IGHMBP2: variants seen among roughly 807,000 people sequenced by gnomAD.
IGHMBP2 encodes the protein immunoglobulin mu DNA binding protein 2.
In IGHMBP2, 81 loss-of-function variants were observed where a neutral mutation model predicts 96.0. The ratio of observed to expected loss-of-function variants is 0.84; its 90% CI spans 0.71 to 1.01. The LOEUF (loss-of-function observed/expected upper bound fraction) is 1.01. Among genes scored for constraint, IGHMBP2 ranks in the 50% least tolerant of loss-of-function variants. The probability of loss-of-function intolerance (pLI) is 0.00; values close to 1 mark genes in which losing one functional copy is unlikely to be tolerated. For missense variants in IGHMBP2, 1,227 were observed against 1,306.3 expected (o/e 0.94, Z 0.94); for synonymous variants, 557 against 548.9 (o/e 1.01, Z -0.21).
chr11:68,914,562 G>A (rs924254690), intron 5 of IGHMBP2, among the ~76,000 whole-genome samples: 2 of 152,208 alleles, frequency 1.3e-5, no homozygotes, highest in African/African-American at 4.8e-5. Context: ...CCGTCTATAG[G>A]TGGCTTATGT....
At chr11:68,910,342 T>A (rs979207996) in intron 4 of IGHMBP2, among the ~76,000 whole-genome samples, 1 of 152,386 alleles carries the variant, frequency 6.6e-6, no homozygotes, top group South Asian at 2.1e-4. Flanking sequence ...ATGTATTTAC[T>A]GTGTCTTAGG....
intron 7 of IGHMBP2, 93 bp downstream of exon 7, chr11:68,917,976 T>G (rs1858734955): frequency 7.1e-7 from 1 of 1,407,634 alleles, no homozygotes; most frequent in African/African-American, 1.4e-5. Context: ...TGTTTAGAAT[T>G]GGTATTTCTT....
intron 5 of IGHMBP2, 85 bp downstream of exon 5, chr11:68,911,688 T>C: frequency 7.9e-7 from 1 of 1,271,492 alleles, no homozygotes; most frequent in Non-Finnish European, 1.1e-6. Flanking sequence ...CCTTTCAGCC[T>C]CAGTTCTGGT....
At position 68,936,264 on chromosome 11, in the gene IGHMBP2, G is replaced by A. The variant is rs143766075; in HGVS notation, c.1784G>A (p.Arg595Gln). Residue 595 changes from arginine (R) to glutamine (Q), a missense_variant, in exon 13 of 15, where the codon CGG (arginine) becomes CAG (glutamine). This residue lies in a region of IGHMBP2 where 703 missense variants were observed against 770.3 expected (regional missense o/e 0.91). Transcript: ENST00000255078. ...KGEVGFLAED[R>Q]RINVAVTRAR... Reference sequence around the variant, plus strand: ...GAAGTTGGTTTTCTTGCTGAGGACCGGAGGATCAACGTGGCTGTCACCCGT... The same window carrying A: ...GAAGTTGGTTTTCTTGCTGAGGACCAGAGGATCAACGTGGCTGTCACCCGT... 99 of 1,614,058 alleles carry A rather than the reference G, an allele frequency of 6.1e-5. No homozygotes were observed. Among genetic ancestry groups the A allele is most frequent in the African/African-American group, 2.4e-4 (18 of 74,922 alleles).
chr11:68,931,662 G>A (rs1455116239), intron 8 of IGHMBP2, among the ~76,000 whole-genome samples: 1 of 152,144 alleles, frequency 6.6e-6, no homozygotes, highest in Non-Finnish European at 1.5e-5. Flanking sequence ...GTTCCCTGCT[G>A]CAGCCGGCAT....
rs538875097 is a variant in IGHMBP2, at chr11:68,914,691, A to C, written c.712-132A>C. The stretch of plus-strand genomic sequence containing the variant: ...ACACGTGGGCTTGGAAAATGAATGC[A>C]AGATTTGATTGAGAGCACGTGTGTA... On this transcript the variant is annotated intron_variant, in intron 5 of 14. Transcript: ENST00000255078. 3.1e-6 allele frequency: 3 copies of C among 962,700 alleles called. No homozygotes were observed. In the Admixed American group the frequency reaches 5.2e-5, roughly 17 times the overall value. 59.6% of individuals were successfully genotyped at this position (962,700 alleles called of 1,614,324 possible).
At chr11:68,908,927 G>A (rs945825030) in intron 4 of IGHMBP2, among the ~76,000 whole-genome samples, 14 of 148,488 alleles carry the variant, frequency 9.4e-5, no homozygotes, top group Admixed American at 6.9e-5. Context: ...TGCAAACTCC[G>A]CCTCCCGGGT....
chr11:68,933,910 C>T lies in IGHMBP2; in HGVS notation c.1534C>T (p.Pro512Ser), dbSNP rs770702045. The T allele has an allele frequency of 6.3e-7, 1 of 1,585,986 alleles. No individual in the cohort carries two copies. Among genetic ancestry groups the T allele is most frequent in the South Asian group, 1.1e-5 (1 of 87,840 alleles). ...EEEDEQSKGNPGEVRLVSLHI... is the reference protein window; with the variant it reads ...EEEDEQSKGNSGEVRLVSLHI... ...GGAGGACGAACAGTCGAAAGGGAACCCTGGTGAGCTTGCTTGCAGATGGCC... is the reference window on the plus strand; with the variant it reads ...GGAGGACGAACAGTCGAAAGGGAACTCTGGTGAGCTTGCTTGCAGATGGCC... The change falls in exon 10 of 15, where the codon CCT (proline) becomes TCT (serine). Residue 512 changes from proline to serine, a missense_variant. Physicochemically the swap from Pro to Ser is moderately conservative, Grantham distance 74 (BLOSUM62 -1). This residue lies in a region of IGHMBP2 where 703 missense variants were observed against 770.3 expected (regional missense o/e 0.91). Transcript: ENST00000255078.
chr11:68,909,132 C>T (rs187102531), intron 4 of IGHMBP2, among the ~76,000 whole-genome samples: 1,813 of 134,884 alleles, frequency 0.013, 28 homozygotes, highest in Non-Finnish European at 0.017. Context: ...AGCCACCGTG[C>T]GCCTGGCCCC....
At chr11:68,929,827 G>A (rs1177578098) in intron 8 of IGHMBP2, 1 of 985,130 alleles carries the variant, frequency 1.0e-6, no homozygotes, top group Non-Finnish European at 1.2e-6. Flanking sequence ...GAGCCCTGAT[G>A]CAGTGGCCTG....
At chr11:68,920,025 G>C (rs952802935) in intron 7 of IGHMBP2, among the ~76,000 whole-genome samples, 1 of 152,180 alleles carries the variant, frequency 6.6e-6, no homozygotes, top group Non-Finnish European at 1.5e-5. Context: ...TCATCTTGCA[G>C]ACCTGAAGCT....
At chr11:68,927,629 C>G (rs1594443441) in intron 7 of IGHMBP2, among the ~76,000 whole-genome samples, 1 of 152,192 alleles carries the variant, frequency 6.6e-6, no homozygotes, top group Non-Finnish European at 1.5e-5. Context: ...TTTGGTTATC[C>G]TATCATTTGC....
Position 68,940,184 on chromosome 11 carries a change from GT to G in IGHMBP2, c.*456del, listed in dbSNP as rs1859701713. ...GCTCAGGCAGGGAGCAGGGAGTGGC[GT>G]TTGGCTTGCACGTTCCCATGTGGCC... On this transcript the variant is annotated 3_prime_UTR_variant, in exon 15 of 15. Coordinates refer to ENST00000255078, the MANE Select transcript of IGHMBP2 (RefSeq NM_002180.3). 2 of 180,582 alleles carry G rather than the reference GT, an allele frequency of 1.1e-5. No individual in the cohort carries two copies. The highest frequency in any genetic ancestry group is 2.4e-5 in the African/African-American group (1 of 42,094). 11.2% of individuals were successfully genotyped at this position (180,582 alleles called of 1,614,324 possible).
At chr11:68,934,100 C>G in intron 10 of IGHMBP2, 187 bp downstream of exon 10, 1 of 645,884 alleles carries the variant, frequency 1.5e-6, no homozygotes, top group Non-Finnish European at 2.8e-6. Context: ...GCAGACCGCT[C>G]CTGGGTGAGA....
intron 2 of IGHMBP2, chr11:68,906,465 G>A: frequency 1.8e-6 from 1 of 570,082 alleles, no homozygotes; most frequent in Non-Finnish European, 3.1e-6. Context: ...TTGAAGTGTG[G>A]CTTGTAATTG....
rs1382209651 is a variant in IGHMBP2, at chr11:68,938,343, C to G, written c.2773C>G (p.His925Asp). 1 of 1,610,552 alleles carries G rather than the reference C, an allele frequency of 6.2e-7. No individual in the cohort carries two copies. The highest frequency in any genetic ancestry group is 1.1e-5 in the South Asian group (1 of 90,734). Residue 925 changes from histidine (H) to aspartate (D), a missense_variant, in exon 14 of 15, where the codon CAC (histidine) becomes GAC (aspartate). Coordinates refer to ENST00000255078, the MANE Select transcript of IGHMBP2 (RefSeq NM_002180.3). ...LCSRRYCLSH[H>D]LPEIHGCGER... ...CAGCCGCCGCTACTGCCTCAGCCAC[C>G]ACCTGCCCGAGGTATGTCGGCCTCC...
chr11:68,935,388 C>A lies in IGHMBP2; in HGVS notation c.1722C>A (p.Ala574=). 6.2e-7 allele frequency: 1 copy of A among 1,614,112 alleles called. No homozygotes were observed. ...GCTTCCAAGGCCGAGAGAAGGAGGCCGTGATACTGTCCTTCGTCAGATCCA... is the reference window on the plus strand; with the variant it reads ...GCTTCCAAGGCCGAGAGAAGGAGGCAGTGATACTGTCCTTCGTCAGATCCA... ...VDGFQGREKE[A]VILSFVRSNR... is the part of the protein sequence containing the mutation. Residue 574 remains alanine (A), a synonymous_variant, in exon 12 of 15, where the codon GCC becomes GCA. Transcript: ENST00000255078.
At chr11:68,909,789 G>T (rs1288333479) in intron 4 of IGHMBP2, among the ~76,000 whole-genome samples, 1 of 151,880 alleles carries the variant, frequency 6.6e-6, no homozygotes, top group Non-Finnish European at 1.5e-5. Flanking sequence ...CACCATGCCC[G>T]GCTAATTTTT....
At position 68,930,251 on chromosome 11, in the gene IGHMBP2, C is replaced by T. The variant is rs1202430946; in HGVS notation, c.1235+894C>T. The T allele has an allele frequency of 2.6e-5, 33 of 1,275,180 alleles. No homozygotes were observed. Among genetic ancestry groups the T allele is most frequent in the Admixed American group, 4.7e-5 (2 of 42,542 alleles). 79.0% of individuals were successfully genotyped at this position (1,275,180 alleles called of 1,614,324 possible). Reference sequence around the variant, plus strand: ...CCTGCATCCTGGCCCTCACTTCCACCGGGGGAAGATTGATTTCTTCAGATT... The same window carrying T: ...CCTGCATCCTGGCCCTCACTTCCACTGGGGGAAGATTGATTTCTTCAGATT... On this transcript the variant is annotated intron_variant, in intron 8 of 14. Coordinates refer to ENST00000255078, the MANE Select transcript of IGHMBP2 (RefSeq NM_002180.3).
Sources: allele counts gnomAD v4.1 joint callset (sites outside exome capture counted in the v4.1 genomes callset), GRCh38; gene constraint gnomAD v4.1.1; regional missense constraint gnomAD v4.1.1; transcripts MANE v1.5; gene names NCBI Gene and HGNC (gene_info 2026-07-23, HGNC 2026-07-21).